SRRM4: variants seen among roughly 807,000 people sequenced by gnomAD.
SRRM4 encodes serine/arginine repetitive matrix protein 4.
In SRRM4, 33 loss-of-function variants were observed where a neutral mutation model predicts 68.9. The observed-to-expected ratio is 0.48, with a 90% CI of 0.36 to 0.64. The LOEUF (loss-of-function observed/expected upper bound fraction) is 0.64. SRRM4 is among the 30% of genes least tolerant of loss of function. SRRM4 has a pLI of 0.00. For synonymous variants in SRRM4, 318 were observed against 318.8 expected, an observed-to-expected ratio of 1.00 and a Z score of 0.03; for missense variants, 817 against 827.1, an observed-to-expected ratio of 0.99 and a Z score of 0.15.
At position 119,162,852 on chromosome 12, in the gene SRRM4, G is replaced by A. The variant is rs1318245544; in HGVS notation, c.*6054G>A. On this transcript the variant is annotated 3_prime_UTR_variant, in exon 13 of 13. Coordinates refer to ENST00000267260, the MANE Select transcript of SRRM4 (RefSeq NM_194286.4). ...CCTGACCAGACAGCCTCTGCCTGGA[G>A]CATTCACATCAGATGGAAAGAAGCT... 2 of 152,266 alleles carry A rather than the reference G, an allele frequency of 1.3e-5. No homozygotes were observed. The highest frequency in any genetic ancestry group is 1.3e-4 in the Admixed American group (2 of 15,280). 9.4% of individuals were successfully genotyped at this position (152,266 alleles called of 1,614,324 possible).
intron 1 of SRRM4, among the ~76,000 whole-genome samples, chr12:119,022,230 A>G (rs1594030842): frequency 6.6e-6 from 1 of 152,262 alleles, no homozygotes; most frequent in Admixed American, 6.5e-5. Flanking sequence ...GAGAATGCTT[A>G]TTTTCTTTCT....
At chr12:119,080,233 C>T (rs1040650329) in intron 1 of SRRM4, among the ~76,000 whole-genome samples, 1 of 151,272 alleles carries the variant, frequency 6.6e-6, no homozygotes, top group Admixed American at 6.6e-5. Context: ...GTGTCGTGAC[C>T]TCAGGTGAAT....
At chr12:119,152,125 T>G (rs758909416) in intron 10 of SRRM4, among the ~76,000 whole-genome samples, 1 of 152,134 alleles carries the variant, frequency 6.6e-6, no homozygotes, top group Non-Finnish European at 1.5e-5. Flanking sequence ...TCCAAACGAA[T>G]CAACCCATAA....
At chr12:119,151,830 A>G (rs972150757) in intron 10 of SRRM4, among the ~76,000 whole-genome samples, 4 of 152,232 alleles carry the variant, frequency 2.6e-5, no homozygotes, top group African/African-American at 9.6e-5. Context: ...GAGAGAGCAC[A>G]GTATTGTGCA....
At chr12:119,023,849 T>C (rs1953531034) in intron 1 of SRRM4, among the ~76,000 whole-genome samples, 1 of 152,166 alleles carries the variant, frequency 6.6e-6, no homozygotes, top group Non-Finnish European at 1.5e-5. Context: ...TCAATACGTA[T>C]TCCAATAGAT....
intron 2 of SRRM4, among the ~76,000 whole-genome samples, chr12:119,113,928 G>A (rs1434146734): frequency 6.6e-6 from 1 of 152,150 alleles, no homozygotes; most frequent in Admixed American, 6.5e-5. Flanking sequence ...TGGGGAGGGA[G>A]GGGGCTGAAC....
intron 2 of SRRM4, among the ~76,000 whole-genome samples, chr12:119,107,686 G>T (rs184935377): frequency 2.1e-3 from 313 of 152,170 alleles, no homozygotes; most frequent in Middle Eastern, 6.8e-3. Context: ...ATTTTTTATT[G>T]TGTGTATTTG....
intron 1 of SRRM4, among the ~76,000 whole-genome samples, chr12:118,999,234 C>T (rs1244592228): frequency 1.3e-5 from 2 of 152,170 alleles, no homozygotes; most frequent in Non-Finnish European, 2.9e-5. Flanking sequence ...GAGAGTCCTG[C>T]ACCTGGGGAG....
intron 1 of SRRM4, among the ~76,000 whole-genome samples, chr12:119,101,448 T>C (rs73213723): frequency 0.081 from 12,271 of 152,090 alleles, 559 homozygotes; most frequent in African/African-American, 0.11. Flanking sequence ...GAACTGCTGT[T>C]CCAAGTGGGT....
At chr12:119,036,033 CT>C (rs536841745) in intron 1 of SRRM4, among the ~76,000 whole-genome samples, 103 of 151,812 alleles carry the variant, frequency 6.8e-4, no homozygotes, top group African/African-American at 2.3e-3. Flanking sequence ...TTTCCTTTTC[CT>C]TTTCAAAGAG....
intron 11 of SRRM4, among the ~76,000 whole-genome samples, chr12:119,153,881 C>T (rs529016860): frequency 5.9e-5 from 9 of 152,068 alleles, no homozygotes; most frequent in Non-Finnish European, 1.0e-4. Context: ...CCAGAATTCA[C>T]ATCCCCAGCC....
In SRRM4 at chr12:119,160,307, C is replaced by CTG. The variant is rs1565922649; in HGVS notation, c.*3510_*3511insGT. 6.7e-6 allele frequency: 1 copy of CTG among 150,176 alleles called. No homozygotes were observed. Among genetic ancestry groups the CTG allele is most frequent in the African/African-American group, 2.5e-5 (1 of 40,808 alleles). 9.3% of individuals were successfully genotyped at this position (150,176 alleles called of 1,614,324 possible). A position where few individuals can be genotyped will look rare whatever the true frequency, so the allele number is the denominator to read the frequency against. ...TCTCTCTGTCTCTCTCTCTCTCTCT[C>CTG]TCTCTCTCTCTCTCTCAGTGTATTT... On this transcript the variant is annotated 3_prime_UTR_variant, in exon 13 of 13. Transcript: ENST00000267260.
chr12:119,056,371 A>G (rs1953776428), intron 1 of SRRM4, among the ~76,000 whole-genome samples: 1 of 152,208 alleles, frequency 6.6e-6, no homozygotes, highest in Non-Finnish European at 1.5e-5. Context: ...AGATGATGTT[A>G]TCTCACTTTG....
intron 1 of SRRM4, among the ~76,000 whole-genome samples, chr12:119,074,206 GA>G (rs34126757): frequency 0.87 from 131,580 of 151,406 alleles, 57,513 homozygotes; most frequent in Middle Eastern, 0.94. Context: ...GGGAAACGGT[GA>G]AAAAAAAAAT....
chr12:119,070,448 C>A (rs1650997394), intron 1 of SRRM4, among the ~76,000 whole-genome samples: 1 of 152,112 alleles, frequency 6.6e-6, no homozygotes, highest in Non-Finnish European at 1.5e-5. Context: ...AAACTATATT[C>A]TGTGGAGCTA....
chr12:119,126,014 C>CTTT (rs34680171), intron 7 of SRRM4, among the ~76,000 whole-genome samples: 885 of 71,160 alleles, frequency 0.012, 154 homozygotes, highest in African/African-American at 0.048. Flanking sequence ...ATACTAGCTG[C>CTTT]TTTTTTTTTT....
At chr12:119,138,723 CT>C (rs1954346300) in intron 8 of SRRM4, among the ~76,000 whole-genome samples, 1 of 152,196 alleles carries the variant, frequency 6.6e-6, no homozygotes, top group Admixed American at 6.5e-5. Flanking sequence ...GTTCCTTGCC[CT>C]CTCAAATTAT....
intron 1 of SRRM4, among the ~76,000 whole-genome samples, chr12:119,030,297 G>A (rs555812821): frequency 1.8e-4 from 28 of 152,258 alleles, no homozygotes; most frequent in South Asian, 6.2e-4. Context: ...ACAGATTTCC[G>A]TAAGGCAAAG....
chr12:119,068,918 G>T (rs1002183287), intron 1 of SRRM4, among the ~76,000 whole-genome samples: 1 of 151,872 alleles, frequency 6.6e-6, no homozygotes, highest in Non-Finnish European at 1.5e-5. Flanking sequence ...GATGATTTGG[G>T]GTTTATCTCA....
Sources: allele counts gnomAD v4.1 joint callset (sites outside exome capture counted in the v4.1 genomes callset), GRCh38; gene constraint gnomAD v4.1.1; transcripts MANE v1.5; gene names NCBI Gene and HGNC (gene_info 2026-07-23, HGNC 2026-07-21).